PPIP5K2: variants seen among roughly 807,000 people sequenced by gnomAD.
PPIP5K2 encodes the protein inositol hexakisphosphate and diphosphoinositol-pentakisphosphate kinase 2.
PPIP5K2 carries 105 observed loss-of-function variants against 154.6 expected under a neutral mutation model. That is an observed-to-expected ratio of 0.68 (90% CI 0.58 to 0.80). PPIP5K2 has a LOEUF of 0.80. Among genes scored for constraint, PPIP5K2 ranks in the 30% least tolerant of loss-of-function variants. The pLI is 0.00. For synonymous variants in PPIP5K2, 480 were observed against 490.3 expected (o/e 0.98, Z 0.28); for missense variants, 992 against 1,504.6 (o/e 0.66, Z 5.64).
chr5:103,156,892 C>T (rs1462560995), intron 14 of PPIP5K2, among the ~76,000 whole-genome samples: 1 of 152,034 alleles, frequency 6.6e-6, no homozygotes, highest in African/African-American at 2.4e-5. Flanking sequence ...ATCTTAAATG[C>T]AGACACATAT....
Position 103,149,160 on chromosome 5 carries a change from A to G in PPIP5K2, c.753A>G (p.Thr251=). Residue 251 remains threonine (T), a synonymous_variant, in exon 8 of 31, where the codon ACA becomes ACG. Coordinates refer to ENST00000358359, the MANE Select transcript of PPIP5K2 (RefSeq NM_001276277.3). ...TTAAACATTTGTGAAAGGTTTATAC[A>G]GTGGGTCCAGATTATGCCCATGCTG... ...PTDGTDVKVY[T]VGPDYAHAEA... is the part of the protein sequence containing the mutation. The G allele has an allele frequency of 6.2e-7, 1 of 1,612,504 alleles. No individual in the cohort carries two copies. Among genetic ancestry groups the G allele is most frequent in the Non-Finnish European group, 8.5e-7 (1 of 1,179,000 alleles).
intron 4 of PPIP5K2, among the ~76,000 whole-genome samples, chr5:103,137,144 CTT>C (rs781829299): frequency 4.0e-5 from 6 of 151,534 alleles, no homozygotes; most frequent in Non-Finnish European, 7.4e-5. Flanking sequence ...GAAATTAGGA[CTT>C]TACTCATTAT....
At chr5:103,127,897 C>A (rs1163899836) in intron 1 of PPIP5K2, among the ~76,000 whole-genome samples, 3 of 150,996 alleles carry the variant, frequency 2.0e-5, no homozygotes, top group Admixed American at 2.0e-4. Context: ...ATCAACTTAT[C>A]CACCAACATG....
chr5:103,133,302 G>T (rs986218691), intron 2 of PPIP5K2, 151 bp from the exon 3 acceptor site: 85 of 512,534 alleles, frequency 1.7e-4, no homozygotes, highest in Admixed American at 6.8e-4. Flanking sequence ...TTATAACAAT[G>T]ATATAATTTT....
rs916745947 is a variant in PPIP5K2, at chr5:103,129,457, T to C, written c.-133T>C. The C allele has an allele frequency of 8.4e-6, 5 of 592,744 alleles. No homozygotes were observed. The South Asian group carries it at 9.2e-5, about 11-fold the overall frequency. 36.7% of individuals were successfully genotyped at this position (592,744 alleles called of 1,614,324 possible). Reference sequence around the variant, plus strand: ...CAGTCATCATAATATCAAGTGATTGTATAAGCAGAAACAAGCTGTCACAGA... The same window carrying C: ...CAGTCATCATAATATCAAGTGATTGCATAAGCAGAAACAAGCTGTCACAGA... On this transcript the variant is annotated 5_prime_UTR_variant, in exon 2 of 31. Coordinates refer to ENST00000358359, the MANE Select transcript of PPIP5K2 (RefSeq NM_001276277.3).
At chr5:103,175,209 T>C (rs548016600) in intron 21 of PPIP5K2, among the ~76,000 whole-genome samples, 2 of 152,270 alleles carry the variant, frequency 1.3e-5, no homozygotes, top group Non-Finnish European at 2.9e-5. Context: ...TGTTTCCTAA[T>C]CAATCTTATT....
intron 30 of PPIP5K2, among the ~76,000 whole-genome samples, chr5:103,198,116 T>A (rs1015742438): frequency 2.0e-5 from 3 of 152,072 alleles, no homozygotes; most frequent in East Asian, 3.8e-4. Context: ...TACTTTCTAG[T>A]TTATTTGTGA....
rs782116222 is a variant in PPIP5K2, at chr5:103,180,042, A to G, written c.2776A>G (p.Lys926Glu). 22 of 1,544,374 alleles carry G rather than the reference A, an allele frequency of 1.4e-5. No homozygotes were observed. Among genetic ancestry groups the G allele is most frequent in the Non-Finnish European group, 1.9e-5 (22 of 1,148,128 alleles). ...SRENEGRRPFKIDNDDEPHTS... is the reference protein window; with the variant it reads ...SRENEGRRPFEIDNDDEPHTS... The stretch of plus-strand genomic sequence containing the variant: ...ACAGAATGAAGGCAGGAGACCTTTT[A>G]AAATTGATAATGATGATGAACCACA... The change falls in exon 24 of 31, where the codon AAA becomes GAA. Residue 926 changes from lysine to glutamate, a missense_variant. This residue lies in a region of PPIP5K2 where 204 missense variants were observed against 224.0 expected (regional missense o/e 0.91). Transcript: ENST00000358359.
intron 9 of PPIP5K2, 21 bp downstream of exon 9, chr5:103,151,395 C>G: frequency 6.4e-7 from 1 of 1,556,570 alleles, no homozygotes; most frequent in Non-Finnish European, 8.8e-7. Flanking sequence ...TTAAATTTTT[C>G]TTTTTACCTT....
chr5:103,141,855 G>A (rs1162137119), intron 5 of PPIP5K2, among the ~76,000 whole-genome samples: 3 of 150,228 alleles, frequency 2.0e-5, no homozygotes, highest in Non-Finnish European at 4.5e-5. Flanking sequence ...GTGTAGATTG[G>A]TGCACTCACA....
At chr5:103,159,711 A>G (rs1795932663) in intron 17 of PPIP5K2, among the ~76,000 whole-genome samples, 1 of 152,320 alleles carries the variant, frequency 6.6e-6, no homozygotes, top group South Asian at 2.1e-4. Context: ...TAAAATATAT[A>G]TGCATTGTGA....
chr5:103,146,820 T>TA, intron 6 of PPIP5K2, 139 bp downstream of exon 6: 1 of 684,656 alleles, frequency 1.5e-6, no homozygotes. Context: ...ATGAAACTGA[T>TA]ATACTTTGTT....
intron 21 of PPIP5K2, 118 bp from the exon 22 acceptor site, chr5:103,177,546 TATG>T: frequency 1.8e-6 from 1 of 554,350 alleles, no homozygotes; most frequent in Admixed American, 3.6e-5. Context: ...AAATTTTGCA[TATG>T]ATAAGTATTC....
chr5:103,187,270 T>G, intron 27 of PPIP5K2, 44 bp from the exon 28 acceptor site: 1 of 1,434,620 alleles, frequency 7.0e-7, no homozygotes, highest in East Asian at 2.5e-5. Flanking sequence ...GTGTTCTTTT[T>G]GTAGCTGTTA....
intron 30 of PPIP5K2, among the ~76,000 whole-genome samples, chr5:103,200,341 C>T (rs1017928930): frequency 6.6e-6 from 1 of 151,798 alleles, no homozygotes; most frequent in African/African-American, 2.4e-5. Flanking sequence ...GGACTTGTAG[C>T]CATTGTACAT....
chr5:103,143,629 A>G (rs1315338261), intron 5 of PPIP5K2, among the ~76,000 whole-genome samples: 1 of 152,202 alleles, frequency 6.6e-6, no homozygotes, highest in Non-Finnish European at 1.5e-5. Flanking sequence ...TCTTGCAACA[A>G]AACACTTAGA....
chr5:103,120,640 T>C (rs1788500516), intron 1 of PPIP5K2, 152 bp downstream of exon 1: 1 of 374,852 alleles, frequency 2.7e-6, no homozygotes, highest in Admixed American at 2.9e-5. Context: ...AATGACAGCC[T>C]GGGCGTGGAG....
intron 3 of PPIP5K2, 72 bp from the exon 4 acceptor site, chr5:103,136,660 C>T: frequency 8.7e-7 from 1 of 1,155,250 alleles, no homozygotes; most frequent in Non-Finnish European, 1.3e-6. Flanking sequence ...GAGGTGGCAT[C>T]AATTCAAGTT....
Position 103,173,850 on chromosome 5 carries a change from A to C in PPIP5K2, c.2415-8A>C. On this transcript the variant is annotated splice_region_variant and splice_polypyrimidine_tract_variant and intron_variant, in intron 20 of 30. Transcript: ENST00000358359. Reference sequence around the variant, plus strand: ...TTATGTTTGAACACTGTCTGCTTCTAATTTTAGGTATTCTAGAGGTGTTCT... The same window carrying C: ...TTATGTTTGAACACTGTCTGCTTCTCATTTTAGGTATTCTAGAGGTGTTCT... 2 of 1,507,582 alleles carry C rather than the reference A, an allele frequency of 1.3e-6. No individual in the cohort carries two copies. Among genetic ancestry groups the C allele is most frequent in the Non-Finnish European group, 9.2e-7 (1 of 1,087,268 alleles). 93.4% of individuals were successfully genotyped at this position (1,507,582 alleles called of 1,614,324 possible). A position where few individuals can be genotyped will look rare whatever the true frequency, so the allele number is the denominator to read the frequency against.
Sources: gnomAD v4.1 joint callset for allele counts (sites outside exome capture counted in the v4.1 genomes callset) on GRCh38, gnomAD v4.1.1 for gene constraint, gnomAD v4.1.1 regional missense constraint, MANE v1.5 for transcripts, NCBI Gene and HGNC (gene_info 2026-07-23, HGNC 2026-07-21) for gene names.